PTPRM: variants seen among roughly 807,000 people sequenced by gnomAD.
The protein encoded by PTPRM is receptor-type tyrosine-protein phosphatase mu.
Under a neutral mutation model 186.7 loss-of-function variants are expected in PTPRM, and 47 were observed. That is an observed-to-expected ratio of 0.25 (90% CI 0.20 to 0.32). PTPRM has a LOEUF of 0.32. Ranked by LOEUF, PTPRM falls within the 10% of genes least tolerant of loss-of-function variation. PTPRM has a pLI of 1.00. For synonymous variants in PTPRM, 668 were observed against 674.9 expected, an observed-to-expected ratio of 0.99 and a Z score of 0.16; for missense variants, 1,494 against 1,865.0, an observed-to-expected ratio of 0.80 and a Z score of 3.66.
chr18:7,670,136 T>C (rs1287819910), intron 1 of PTPRM, among the ~76,000 whole-genome samples: 3 of 152,122 alleles, frequency 2.0e-5, no homozygotes, highest in African/African-American at 7.2e-5. Flanking sequence ...TTGTTATTAT[T>C]TTAATCTGTC....
rs1600667620 is a variant in PTPRM at position 8,118,210 on chromosome 18, A to AT, written c.2167+3389dup. Among the ~76,000 whole-genome samples the AT allele has an allele frequency of 2.0e-5, 3 of 152,272 alleles. No individual in the cohort carries two copies. In the East Asian group the frequency reaches 5.8e-4, roughly 29 times the overall value. Reference sequence around the variant, plus strand: ...TTATATTAATCTTCCATAAAATAAGATTTTTTCATAATATGTTAGCACCGC... The same window carrying AT: ...TTATATTAATCTTCCATAAAATAAGATTTTTTTCATAATATGTTAGCACCGC... On this transcript the variant is annotated intron_variant, in intron 13 of 32. Transcript: ENST00000580170.
intron 1 of PTPRM, among the ~76,000 whole-genome samples, chr18:7,691,167 G>A (rs1010260560): frequency 2.0e-5 from 3 of 151,960 alleles, no homozygotes; most frequent in African/African-American, 7.3e-5. Context: ...TCTTTATAGG[G>A]AAATATATGT....
intron 2 of PTPRM, among the ~76,000 whole-genome samples, chr18:7,847,889 C>G (rs951181544): frequency 6.6e-6 from 1 of 152,136 alleles, no homozygotes. Context: ...GAGAGGCCCC[C>G]TCAAGGGAGT....
chr18:7,629,167 A>G (rs979231272), intron 1 of PTPRM, among the ~76,000 whole-genome samples: 3 of 152,210 alleles, frequency 2.0e-5, no homozygotes, highest in South Asian at 2.1e-4. Context: ...CAATTGTAAG[A>G]TATTATTGAA....
At chr18:7,751,715 T>C (rs1343745173) in intron 1 of PTPRM, among the ~76,000 whole-genome samples, 1 of 152,176 alleles carries the variant, frequency 6.6e-6, no homozygotes, top group Non-Finnish European at 1.5e-5. Context: ...ATGAGACCCA[T>C]CTTTTCGGTG....
intron 5 of PTPRM, among the ~76,000 whole-genome samples, chr18:7,947,783 A>G (rs1268406274): frequency 1.3e-5 from 2 of 152,102 alleles, no homozygotes; most frequent in African/African-American, 4.8e-5. Flanking sequence ...CTATATCTGC[A>G]GTTTGTCTGC....
chr18:7,674,256 C>G (rs1463625954), intron 1 of PTPRM, among the ~76,000 whole-genome samples: 1 of 152,046 alleles, frequency 6.6e-6, no homozygotes, highest in African/African-American at 2.4e-5. Flanking sequence ...TTTAAAACTG[C>G]CCAGGTGATT....
intron 19 of PTPRM, among the ~76,000 whole-genome samples, chr18:8,253,635 A>G (rs536570159): frequency 6.6e-6 from 1 of 152,248 alleles, no homozygotes; most frequent in East Asian, 1.9e-4. Context: ...TGAGAATCCA[A>G]AAATCCAGTC....
At chr18:8,025,830 T>C (rs2085536262) in intron 7 of PTPRM, among the ~76,000 whole-genome samples, 1 of 152,126 alleles carries the variant, frequency 6.6e-6, no homozygotes, top group Non-Finnish European at 1.5e-5. Context: ...CTCCAAGGAT[T>C]TCTTTTTAAT....
chr18:8,213,939 A>G (rs181542407), intron 14 of PTPRM, among the ~76,000 whole-genome samples: 306 of 152,354 alleles, frequency 2.0e-3, no homozygotes, highest in Non-Finnish European at 3.2e-3. Context: ...ATAGAAAAGA[A>G]TGAAATAATG....
At chr18:8,105,410 T>C (rs1176568758) in intron 11 of PTPRM, among the ~76,000 whole-genome samples, 1 of 152,240 alleles carries the variant, frequency 6.6e-6, no homozygotes, top group Non-Finnish European at 1.5e-5. Flanking sequence ...TGAAAATTCA[T>C]TTTGGAAACT....
At chr18:8,404,973 G>A (rs2095895351) in intron 32 of PTPRM, 1 of 152,144 alleles carries the variant, frequency 6.6e-6, no homozygotes, top group Admixed American at 6.5e-5. Context: ...TTGGGCCAAG[G>A]TACACGATCC....
chr18:8,091,117 G>A lies in PTPRM; in HGVS notation c.1856+2266G>A, dbSNP rs73387751. Among the ~76,000 whole-genome samples the A allele has an allele frequency of 9.4e-3, 1,434 of 152,174 alleles. 27 individuals are homozygous for A. The highest frequency in any genetic ancestry group is 0.033 in the African/African-American group (1,383 of 41,530). On this transcript the variant is annotated intron_variant, in intron 11 of 32. Coordinates refer to ENST00000580170, the MANE Select transcript of PTPRM (RefSeq NM_001105244.2). ...TACTGGTAGTTCTTGGTGTCCTCAG[G>A]CTTCCTATTCTTACATCTATAAAAA...
chr18:7,952,667 C>T (rs1052046092), intron 6 of PTPRM, among the ~76,000 whole-genome samples: 3 of 143,556 alleles, frequency 2.1e-5, no homozygotes, highest in East Asian at 2.0e-4. Flanking sequence ...CTGCACTGGG[C>T]GACAGAGCAA....
At position 7,568,933 on chromosome 18, in the gene PTPRM, T is replaced by G. The variant is rs1443170765; in HGVS notation, c.73+1042T>G. Among the ~76,000 whole-genome samples, 1 of 152,072 alleles carries G rather than the reference T, an allele frequency of 6.6e-6. No homozygotes were observed. Among genetic ancestry groups the G allele is most frequent in the Non-Finnish European group, 1.5e-5 (1 of 68,000 alleles). On this transcript the variant is annotated intron_variant, in intron 1 of 32. Transcript: ENST00000580170. The surrounding 1 kb of genome is among the most constrained non-coding windows in gnomAD (Gnocchi z 5.1). ...CATTTGCACACCTTCTTTCTAGTGT[T>G]TATTAGATTAGTTTCATTAAGGTCC... is the stretch of plus-strand genomic sequence containing the variant.
intron 11 of PTPRM, among the ~76,000 whole-genome samples, chr18:8,103,928 T>TGAAA (rs2091404100): frequency 6.6e-6 from 1 of 152,152 alleles, no homozygotes; most frequent in African/African-American, 2.4e-5. Flanking sequence ...ATGGTTATCA[T>TGAAA]TTGTTCTAAT....
In PTPRM at chr18:7,951,916, T is replaced by C. The variant is rs73941029; in HGVS notation, c.838+2561T>C. Among the ~76,000 whole-genome samples, 563 of 152,312 alleles carry C rather than the reference T, an allele frequency of 3.7e-3. 6 individuals are homozygous for C. The highest frequency in any genetic ancestry group is 0.013 in the African/African-American group (536 of 41,566). On this transcript the variant is annotated intron_variant, in intron 6 of 32. Transcript: ENST00000580170. ...TACAAATGGGAGAAACTAAAGTCCA[T>C]AGAGTTTTTAACCTTTTAAGGTCAC...
At chr18:7,838,372 G>A (rs1011623571) in intron 2 of PTPRM, among the ~76,000 whole-genome samples, 2 of 152,154 alleles carry the variant, frequency 1.3e-5, no homozygotes, top group Non-Finnish European at 2.9e-5. Flanking sequence ...TGGGAACTAC[G>A]ATTCAAGATG....
chr18:8,392,929 G>A (rs994143526), intron 31 of PTPRM, among the ~76,000 whole-genome samples: 2 of 152,154 alleles, frequency 1.3e-5, no homozygotes, highest in African/African-American at 4.8e-5. Flanking sequence ...TAATAGGGAA[G>A]AAGAGACAGC....
Sources: gnomAD v4.1 joint callset for allele counts (sites outside exome capture counted in the v4.1 genomes callset) on GRCh38, gnomAD v4.1.1 for gene constraint, Gnocchi (gnomAD v3.1) non-coding constraint, MANE v1.5 for transcripts, NCBI Gene and HGNC (gene_info 2026-07-23, HGNC 2026-07-21) for gene names.